The following WNT7A variants were observed in gnomAD, a reference collection of about 807,000 sequenced individuals.
WNT7A encodes the protein Wnt family member 7A.
A neutral mutation model predicts 28.2 loss-of-function variants in WNT7A; 16 were observed. The ratio of observed to expected loss-of-function variants is 0.57; its 90% CI spans 0.38 to 0.86. The LOEUF is 0.86. Ranked by LOEUF, WNT7A falls within the 40% of genes least tolerant of loss-of-function variation. The pLI is 0.00. For synonymous variants in WNT7A, 190 were observed against 195.9 expected (o/e 0.97, Z 0.25); for missense variants, 411 against 489.7 (o/e 0.84, Z 1.52).
At chr3:13,820,890 G>C (rs1694096309) in intron 3 of WNT7A, among the ~76,000 whole-genome samples, 1 of 152,176 alleles carries the variant, frequency 6.6e-6, no homozygotes, top group Non-Finnish European at 1.5e-5. Flanking sequence ...TTCAGGAACA[G>C]GACTGGCTGG....
intron 2 of WNT7A, among the ~76,000 whole-genome samples, chr3:13,856,284 C>G (rs562724140): frequency 6.6e-6 from 1 of 152,256 alleles, no homozygotes; most frequent in Non-Finnish European, 1.5e-5. Flanking sequence ...GTCCGCATCT[C>G]AGTCTGGAGA....
intron 3 of WNT7A, among the ~76,000 whole-genome samples, chr3:13,839,565 G>A (rs1334973511): frequency 6.6e-6 from 1 of 152,142 alleles, no homozygotes; most frequent in African/African-American, 2.4e-5. Context: ...CGCTATCAGG[G>A]AATACACCAG....
intron 2 of WNT7A, among the ~76,000 whole-genome samples, chr3:13,867,265 A>G (rs1304716476): frequency 6.6e-6 from 1 of 152,158 alleles, no homozygotes; most frequent in Non-Finnish European, 1.5e-5. Flanking sequence ...TGGGGCTGGG[A>G]TGCAAACCCG....
intron 2 of WNT7A, among the ~76,000 whole-genome samples, chr3:13,861,758 A>G (rs985120119): frequency 6.6e-6 from 1 of 152,156 alleles, no homozygotes; most frequent in Non-Finnish European, 1.5e-5. Context: ...CCAGAATCAG[A>G]GAAGAGATTC....
chr3:13,875,404 G>C (rs1695096597), intron 1 of WNT7A, among the ~76,000 whole-genome samples: 1 of 152,106 alleles, frequency 6.6e-6, no homozygotes. Flanking sequence ...ACACACACTT[G>C]ATTTTTGTTT....
chr3:13,870,169 A>C (rs935103811), intron 2 of WNT7A, among the ~76,000 whole-genome samples: 3 of 152,334 alleles, frequency 2.0e-5, no homozygotes, highest in African/African-American at 7.2e-5. Flanking sequence ...CTGTGAACTG[A>C]GTCAGTACCT....
intron 2 of WNT7A, among the ~76,000 whole-genome samples, chr3:13,874,565 C>A (rs74410171): frequency 0.02 from 3,096 of 152,244 alleles, 102 homozygotes; most frequent in African/African-American, 0.07. Context: ...TCTTTGCAAC[C>A]ACATGGGCAC....
chr3:13,861,552 G>T (rs1184924455), intron 2 of WNT7A, among the ~76,000 whole-genome samples: 3 of 152,228 alleles, frequency 2.0e-5, no homozygotes, highest in Admixed American at 6.5e-5. Flanking sequence ...GATGGGAGTG[G>T]GGATATCTGG....
chr3:13,857,077 C>T (rs941511520), intron 2 of WNT7A, among the ~76,000 whole-genome samples: 6 of 152,136 alleles, frequency 3.9e-5, no homozygotes, highest in Non-Finnish European at 8.8e-5. Flanking sequence ...ACAGGGGAGC[C>T]ATGGGGCACA....
chr3:13,863,531 CAA>C (rs1409659215), intron 2 of WNT7A: 1 of 151,862 alleles, frequency 6.6e-6, no homozygotes, highest in African/African-American at 2.4e-5. Flanking sequence ...AACATTATAA[CAA>C]AAGAGTCATC....
intron 1 of WNT7A, among the ~76,000 whole-genome samples, chr3:13,877,549 T>C (rs1020958045): frequency 2.0e-5 from 3 of 152,256 alleles, no homozygotes; most frequent in Non-Finnish European, 4.4e-5. Flanking sequence ...CAAAAATTCA[T>C]AGGTGCAATA....
At chr3:13,868,736 G>GA (rs1559307172) in intron 2 of WNT7A, among the ~76,000 whole-genome samples, 11 of 141,034 alleles carry the variant, frequency 7.8e-5, no homozygotes, top group Admixed American at 2.2e-4. Context: ...AAGAAAGAAA[G>GA]AAGAGAAAGA....
At chr3:13,824,929 T>G (rs560316224) in intron 3 of WNT7A, among the ~76,000 whole-genome samples, 1 of 152,182 alleles carries the variant, frequency 6.6e-6, no homozygotes, top group Admixed American at 6.5e-5. Context: ...CATCTATGAG[T>G]TGGAATGCCC....
intron 2 of WNT7A, 126 bp from the exon 3 acceptor site, chr3:13,854,929 C>G (rs1223673682): frequency 1.9e-5 from 25 of 1,288,298 alleles, no homozygotes; most frequent in Non-Finnish European, 2.5e-5. Context: ...ACTGAGTACC[C>G]GTTCCTAACT....
At chr3:13,857,546 T>C (rs986961496) in intron 2 of WNT7A, among the ~76,000 whole-genome samples, 1 of 152,024 alleles carries the variant, frequency 6.6e-6, no homozygotes, top group Admixed American at 6.5e-5. Flanking sequence ...ACTTCCTGCA[T>C]TTGCATAGAT....
rs375002050 is a variant in WNT7A, at chr3:13,850,472, C to T, written c.570+4060G>A. Among the ~76,000 whole-genome samples the T allele has an allele frequency of 1.4e-3, 209 of 152,272 alleles. 8 individuals are homozygous for T. The South Asian group carries it at 0.04, about 29-fold the overall frequency. ...GGGGCAGGGCAGGAAGGGACAAGAC[C>T]GACACCCCTCCGTGTGCAAGAGGCT... On this transcript the variant is annotated intron_variant, in intron 3 of 3. Transcript: ENST00000285018.
intron 2 of WNT7A, among the ~76,000 whole-genome samples, chr3:13,869,541 GA>G (rs768519397): frequency 1.4e-5 from 2 of 141,762 alleles, no homozygotes; most frequent in Non-Finnish European, 3.1e-5. Flanking sequence ...GAGCAAGAAA[GA>G]AAAAAGAAAG....
intron 2 of WNT7A, among the ~76,000 whole-genome samples, chr3:13,858,193 G>A (rs1467700972): frequency 6.6e-6 from 1 of 152,130 alleles, no homozygotes; most frequent in Non-Finnish European, 1.5e-5. Flanking sequence ...CAGTGGGCAG[G>A]CACCACCGGC....
At chr3:13,847,398 C>T (rs551568772) in intron 3 of WNT7A, among the ~76,000 whole-genome samples, 6 of 152,338 alleles carry the variant, frequency 3.9e-5, no homozygotes, top group African/African-American at 1.4e-4. Flanking sequence ...GCCCTAGGTG[C>T]AGCTCTTGTT....
Sources: allele counts gnomAD v4.1 joint callset (sites outside exome capture counted in the v4.1 genomes callset), GRCh38; gene constraint gnomAD v4.1.1; transcripts MANE v1.5; gene names NCBI Gene and HGNC (gene_info 2026-07-23, HGNC 2026-07-21).